B4GALT6: variants seen among roughly 807,000 people sequenced by gnomAD.
B4GALT6 encodes the protein UDP-Gal:beta-GlcNAc beta-1,4-galactosyltransferase 6.
A neutral mutation model predicts 46.3 loss-of-function variants in B4GALT6; 14 were observed. The ratio of observed to expected loss-of-function variants is 0.30; its 90% confidence interval spans 0.20 to 0.47. The LOEUF (loss-of-function observed/expected upper bound fraction) is 0.47. Ranked by LOEUF, B4GALT6 falls within the 20% of genes least tolerant of loss-of-function variation. The pLI, the probability that B4GALT6 is intolerant of heterozygous loss-of-function variation, is 0.99. For missense variants in B4GALT6, 386 were observed against 480.1 expected (o/e 0.80, Z 1.83); for synonymous variants, 168 against 162.0 (o/e 1.04, Z -0.28).
intron 3 of B4GALT6, among the ~76,000 whole-genome samples, chr18:31,654,880 T>A (rs540992336): frequency 1.2e-4 from 18 of 152,230 alleles, no homozygotes; most frequent in Non-Finnish European, 2.6e-4. Context: ...ATGAAAACTA[T>A]CTTTTTAAGT....
At chr18:31,714,139 A>T in the B4GALT6 span, among the ~76,000 whole-genome samples, 3 of 152,232 alleles carry the variant, frequency 2.0e-5, no homozygotes, top group African/African-American at 4.8e-5. Context: ...ATTTTAATTA[A>T]GTGTAAATAA....
At chr18:31,694,218 A>C in the B4GALT6 span, among the ~76,000 whole-genome samples, 3 of 152,250 alleles carry the variant, frequency 2.0e-5, no homozygotes, top group African/African-American at 7.2e-5. Context: ...GGCATGAATA[A>C]TATGCCTGAG....
At chr18:31,698,430 G>C in the B4GALT6 span, among the ~76,000 whole-genome samples, 4 of 152,060 alleles carry the variant, frequency 2.6e-5, no homozygotes, top group Admixed American at 2.6e-4. Flanking sequence ...AGGAGTTCAA[G>C]ACCAGCCTGG....
At chr18:31,712,287 A>ATTTTTGTTTTTTTT in the B4GALT6 span, among the ~76,000 whole-genome samples, 1 of 84,642 alleles carries the variant, frequency 1.2e-5, no homozygotes, top group Non-Finnish European at 2.1e-5. Flanking sequence ...CTGGGACGTT[A>ATTTTTGTTTTTTTT]TTTTTTTTTT....
At chr18:31,660,596 C>T (rs1007741374) in intron 2 of B4GALT6, among the ~76,000 whole-genome samples, 10 of 150,740 alleles carry the variant, frequency 6.6e-5, no homozygotes, top group Admixed American at 6.6e-4. Context: ...ATAAGTTTGC[C>T]AAAATTTAAA....
intron 2 of B4GALT6, among the ~76,000 whole-genome samples, chr18:31,660,079 A>C (rs2074194086): frequency 6.6e-6 from 1 of 150,496 alleles, no homozygotes; most frequent in Non-Finnish European, 1.5e-5. Flanking sequence ...CAGCCTCCCA[A>C]CTATTAATAG....
chr18:31,651,287 T>C (rs2074063874), intron 3 of B4GALT6, among the ~76,000 whole-genome samples: 1 of 152,144 alleles, frequency 6.6e-6, no homozygotes, highest in Non-Finnish European at 1.5e-5. Context: ...CACGTAAGCA[T>C]ATAGATTAAT....
intron 4 of B4GALT6, 140 bp downstream of exon 4, chr18:31,645,215 G>A: frequency 8.8e-7 from 1 of 1,141,358 alleles, no homozygotes; most frequent in South Asian, 1.5e-5. Flanking sequence ...ATTATAAATA[G>A]TAAACATTAA....
chr18:31,720,946 T>C, the B4GALT6 span, among the ~76,000 whole-genome samples: 1 of 152,102 alleles, frequency 6.6e-6, no homozygotes, highest in Non-Finnish European at 1.5e-5. Context: ...GAAGTATACA[T>C]CATTTGTTTT....
intron 1 of B4GALT6, among the ~76,000 whole-genome samples, chr18:31,682,052 C>T (rs761936825): frequency 6.6e-6 from 1 of 152,144 alleles, no homozygotes; most frequent in African/African-American, 2.4e-5. Flanking sequence ...TGATTGATTG[C>T]TGCAGTATGG....
At chr18:31,669,007 C>A (rs1189866183) in intron 1 of B4GALT6, among the ~76,000 whole-genome samples, 5 of 150,494 alleles carry the variant, frequency 3.3e-5, no homozygotes, top group South Asian at 2.1e-4. Flanking sequence ...CAGAGTGAGA[C>A]CCTGTGTCAA....
At chr18:31,671,612 G>C (rs2074358437) in intron 1 of B4GALT6, among the ~76,000 whole-genome samples, 1 of 152,126 alleles carries the variant, frequency 6.6e-6, no homozygotes, top group Non-Finnish European at 1.5e-5. Context: ...GTAAATTCAA[G>C]TTCTTTGTAG....
At chr18:31,642,843 C>A (rs1218148391) in intron 4 of B4GALT6, among the ~76,000 whole-genome samples, 4 of 152,318 alleles carry the variant, frequency 2.6e-5, no homozygotes, top group African/African-American at 9.6e-5. Context: ...CACCACCACG[C>A]CCGGCTAATT....
chr18:31,650,071 C>T (rs2074045873), intron 3 of B4GALT6, among the ~76,000 whole-genome samples: 1 of 152,210 alleles, frequency 6.6e-6, no homozygotes, highest in Admixed American at 6.5e-5. Flanking sequence ...TCTGACACTG[C>T]ACCCTCTCAT....
intron 2 of B4GALT6, among the ~76,000 whole-genome samples, chr18:31,660,216 T>C (rs906902376): frequency 3.3e-5 from 5 of 152,182 alleles, no homozygotes; most frequent in African/African-American, 1.2e-4. Context: ...CCCAAAGTGC[T>C]GGGATTACAG....
the B4GALT6 span, among the ~76,000 whole-genome samples, chr18:31,698,646 A>G: frequency 2.0e-5 from 3 of 152,094 alleles, no homozygotes; most frequent in African/African-American, 7.2e-5. Flanking sequence ...AAAAAAAAAA[A>G]AGGAAAAAAC....
intron 6 of B4GALT6, among the ~76,000 whole-genome samples, chr18:31,629,713 G>A (rs577916878): frequency 2.0e-5 from 3 of 150,456 alleles, no homozygotes. Flanking sequence ...AGCCAGGCGT[G>A]GTGGCAGGCG....
At position 31,625,511 on chromosome 18, in the gene B4GALT6, G is replaced by C; in HGVS notation, c.*103C>G. 1 of 1,323,480 alleles carries C rather than the reference G, an allele frequency of 7.6e-7. No homozygotes were observed. Among genetic ancestry groups the C allele is most frequent in the African/African-American group, 1.5e-5 (1 of 67,326 alleles). 82.0% of individuals were successfully genotyped at this position (1,323,480 alleles called of 1,614,324 possible). On this transcript the variant is annotated 3_prime_UTR_variant, in exon 9 of 9. Coordinates refer to ENST00000306851, the MANE Select transcript of B4GALT6 (RefSeq NM_004775.5). ...CTGTGGACTGCTGGCTCTTCTCAGA[G>C]AAAAGGGCACTGTGACACAGCCAAT...
At chr18:31,642,813 T>C (rs1250075999) in intron 4 of B4GALT6, among the ~76,000 whole-genome samples, 2 of 152,152 alleles carry the variant, frequency 1.3e-5, no homozygotes, top group Non-Finnish European at 2.9e-5. Flanking sequence ...GCCTCCCGAG[T>C]AGCTGGGATT....
Sources: allele counts gnomAD v4.1 joint callset (sites outside exome capture counted in the v4.1 genomes callset), GRCh38; gene constraint gnomAD v4.1.1; transcripts MANE v1.5; gene names NCBI Gene and HGNC (gene_info 2026-07-23, HGNC 2026-07-21).